The following POLQ variants were observed in gnomAD, a reference collection of about 807,000 sequenced individuals.
POLQ encodes DNA polymerase theta.
In POLQ, 233 loss-of-function variants were observed where a neutral mutation model predicts 259.2. The observed-to-expected ratio is 0.90, with a 90% CI of 0.81 to 1.00. The LOEUF is 1.00. Ranked by LOEUF, POLQ falls within the 50% of genes least tolerant of loss-of-function variation. POLQ has a pLI of 0.00. For missense variants in POLQ, 2,871 were observed against 3,051.6 expected (o/e 0.94, Z 1.39); for synonymous variants, 1,025 against 1,048.8 (o/e 0.98, Z 0.44).
intron 15 of POLQ, among the ~76,000 whole-genome samples, chr3:121,491,346 C>CAAAAAAAAAAAAAAAAAAA (rs3045625): frequency 1.8e-4 from 14 of 77,986 alleles, no homozygotes; most frequent in African/African-American, 2.3e-4. Context: ...GAGACTGTCA[C>CAAAAAAAAAAAAAAAAAAA]AAAAAAAAAA....
In POLQ at chr3:121,545,800, G is replaced by GT. The variant is rs2048529570; in HGVS notation, c.77dup (p.Asp26GlufsTer38). ...AGAGGAACTGGGGGCTGGCACTGCTGTCACCGCCGCTTCCCGAGAACGAAT... is the reference window on the plus strand; with the variant it reads ...AGAGGAACTGGGGGCTGGCACTGCTGTTCACCGCCGCTTCCCGAGAACGAAT... On this transcript the variant is annotated frameshift_variant, in exon 1 of 30. Transcript: ENST00000264233. LOFTEE classifies it high-confidence loss of function. 1 of 1,612,504 alleles carries GT rather than the reference G, an allele frequency of 6.2e-7. No homozygotes were observed. Among genetic ancestry groups the GT allele is most frequent in the Admixed American group, 1.7e-5 (1 of 59,828 alleles).
chr3:121,511,175 G>A (rs540603619), intron 10 of POLQ, among the ~76,000 whole-genome samples: 8 of 145,058 alleles, frequency 5.5e-5, no homozygotes, highest in African/African-American at 1.5e-4. Context: ...GCAGTGAGCC[G>A]AGATTGCACC....
At chr3:121,445,858 A>T (rs1377121791) in intron 26 of POLQ, among the ~76,000 whole-genome samples, 1 of 92,900 alleles carries the variant, frequency 1.1e-5, no homozygotes, top group African/African-American at 3.7e-5. Flanking sequence ...GCAACACTCC[A>T]TCTCAAAAAA....
In POLQ at chr3:121,439,974, T is replaced by TA; in HGVS notation, c.7389+17dup. 1 of 1,608,804 alleles carries TA rather than the reference T, an allele frequency of 6.2e-7. No homozygotes were observed. Among genetic ancestry groups the TA allele is most frequent in the Non-Finnish European group, 8.5e-7 (1 of 1,176,578 alleles). Reference sequence around the variant, plus strand: ...CATTGAAATGTTAAGTTAAAATTCCTAAAAAATTTCAACATACGTGAGCTT... The same window carrying TA: ...CATTGAAATGTTAAGTTAAAATTCCTAAAAAAATTTCAACATACGTGAGCTT... On this transcript the variant is annotated intron_variant, in intron 27 of 29. Transcript: ENST00000264233.
intron 7 of POLQ, among the ~76,000 whole-genome samples, chr3:121,522,362 A>T (rs1224531356): frequency 1.4e-5 from 1 of 71,638 alleles, no homozygotes; most frequent in Non-Finnish European, 2.6e-5. Flanking sequence ...CGGACTGCGG[A>T]CTGCAGTGGC....
At chr3:121,438,650 C>A (rs1028148641) in intron 27 of POLQ, among the ~76,000 whole-genome samples, 1 of 152,180 alleles carries the variant, frequency 6.6e-6, no homozygotes, top group African/African-American at 2.4e-5. Flanking sequence ...TAAACTTTAG[C>A]CTTCAAGAAT....
At chr3:121,463,072 A>G (rs918847224) in intron 24 of POLQ, among the ~76,000 whole-genome samples, 4 of 152,232 alleles carry the variant, frequency 2.6e-5, no homozygotes, top group Non-Finnish European at 5.9e-5. Context: ...ACAAAAAGCA[A>G]AAGATCTTCA....
In POLQ at chr3:121,489,708, G is replaced by A. The variant is rs758984814; in HGVS notation, c.3223C>T (p.Pro1075Ser). Reference sequence around the variant, plus strand: ...GTAAACGGGTCTTCACAAAGACTAGGATTAGACAGAGTCTGTCCTTGTAAA... The same window carrying A: ...GTAAACGGGTCTTCACAAAGACTAGAATTAGACAGAGTCTGTCCTTGTAAA... Reference protein sequence around the residue: ...IHLQGQTLSNPSLCEDPFTLD... With the variant: ...IHLQGQTLSNSSLCEDPFTLD... The change falls in exon 16 of 30, where the codon CCT becomes TCT. Residue 1075 changes from proline (P) to serine (S), a missense_variant. Around this residue, in one of 3 missense-constraint regions of POLQ, gnomAD observed 2,080 missense variants for 2,126.0 expected, o/e 0.98. Transcript: ENST00000264233. 3.1e-6 allele frequency: 5 copies of A among 1,613,290 alleles called. No homozygotes were observed. The highest frequency in any genetic ancestry group is 4.2e-6 in the Non-Finnish European group (5 of 1,179,758).
chr3:121,501,593 C>T (rs1473617737), intron 12 of POLQ, among the ~76,000 whole-genome samples: 3 of 121,702 alleles, frequency 2.5e-5, no homozygotes, highest in Non-Finnish European at 3.2e-5. Context: ...ACCCGGGAGG[C>T]GGAGCTTGCA....
chr3:121,497,012 A>G, intron 13 of POLQ, 80 bp from the exon 14 acceptor site: 2 of 1,447,456 alleles, frequency 1.4e-6, no homozygotes, highest in South Asian at 2.4e-5. Context: ...AATGACTAAG[A>G]ACTGGAAAGG....
At chr3:121,506,020 C>T (rs1449391987) in intron 12 of POLQ, among the ~76,000 whole-genome samples, 2 of 79,798 alleles carry the variant, frequency 2.5e-5, no homozygotes, top group Non-Finnish European at 5.1e-5. Flanking sequence ...GAAACTCCAT[C>T]TCAAAAAAAA....
chr3:121,483,856 A>G (rs2047989764), intron 17 of POLQ, among the ~76,000 whole-genome samples: 1 of 152,142 alleles, frequency 6.6e-6, no homozygotes, highest in Non-Finnish European at 1.5e-5. Flanking sequence ...ACTTGTAAAA[A>G]CAAAATTACA....
chr3:121,502,688 A>ATT (rs926775045), intron 12 of POLQ, among the ~76,000 whole-genome samples: 1 of 152,218 alleles, frequency 6.6e-6, no homozygotes, highest in African/African-American at 2.4e-5. Context: ...AAGAATGTTA[A>ATT]TGAAGCAAAC....
At chr3:121,446,468 A>G (rs914402468) in intron 26 of POLQ, among the ~76,000 whole-genome samples, 1 of 152,192 alleles carries the variant, frequency 6.6e-6, no homozygotes, top group African/African-American at 2.4e-5. Flanking sequence ...GTGCAGATTT[A>G]GCATAATTTC....
rs1003335968 is a variant in POLQ, at chr3:121,511,793, A to T, written c.1611+94T>A. On this transcript the variant is annotated intron_variant, in intron 10 of 29. Coordinates refer to ENST00000264233, the MANE Select transcript of POLQ (RefSeq NM_199420.4). ...ACTCTGTCTCAAAAATAAATTAAAA[A>T]AAATAAATAAATAAAGCTAAGATTT... The T allele has an allele frequency of 2.4e-5, 25 of 1,037,372 alleles. No homozygotes were observed. In the East Asian group the frequency reaches 3.7e-4, roughly 16 times the overall value. 64.3% of individuals were successfully genotyped at this position (1,037,372 alleles called of 1,614,324 possible). A position where few individuals can be genotyped will look rare whatever the true frequency, so the allele number is the denominator to read the frequency against.
At chr3:121,486,893 CAGAGAGAGAGAGAGAG>C (rs3045624) in intron 16 of POLQ, among the ~76,000 whole-genome samples, 4 of 140,392 alleles carry the variant, frequency 2.8e-5, no homozygotes, top group Admixed American at 7.3e-5. Flanking sequence ...GAAAGAGAGA[CAGAGAGAGAGAGAGAG>C]AGAGAGAGAG....
intron 25 of POLQ, among the ~76,000 whole-genome samples, chr3:121,456,179 A>G (rs2047735332): frequency 6.6e-6 from 1 of 152,230 alleles, no homozygotes; most frequent in South Asian, 2.1e-4. Context: ...GCAAAATTCA[A>G]CAACGCTTCA....
intron 25 of POLQ, among the ~76,000 whole-genome samples, chr3:121,450,194 T>C (rs2047662944): frequency 6.6e-6 from 1 of 152,156 alleles, no homozygotes; most frequent in Non-Finnish European, 1.5e-5. Context: ...TTATTACTTA[T>C]AACTGTTTAG....
Position 121,537,215 on chromosome 3 carries a change from AG to A in POLQ, c.632-8del. 6.9e-7 allele frequency: 1 copy of A among 1,456,224 alleles called. No homozygotes were observed. Among genetic ancestry groups the A allele is most frequent in the Middle Eastern group, 1.7e-4 (1 of 5,744 alleles). 90.2% of individuals were successfully genotyped at this position (1,456,224 alleles called of 1,614,324 possible). ...TCATCCACAACCACCATTCCTAAAA[AG>A]ATTTTCCAGATACTAGGTTTTTACA... On this transcript the variant is annotated splice_region_variant and splice_polypyrimidine_tract_variant and intron_variant, in intron 4 of 29. Coordinates refer to ENST00000264233, the MANE Select transcript of POLQ (RefSeq NM_199420.4).
Sources: gnomAD v4.1 joint callset for allele counts (sites outside exome capture counted in the v4.1 genomes callset) on GRCh38, gnomAD v4.1.1 for gene constraint, gnomAD v4.1.1 regional missense constraint, MANE v1.5 for transcripts, NCBI Gene and HGNC (gene_info 2026-07-23, HGNC 2026-07-21) for gene names.